The following CCDC148 variants were observed in gnomAD, a reference collection of about 807,000 sequenced individuals.
CCDC148 encodes the protein coiled-coil domain-containing protein 148.
CCDC148 carries 89 observed loss-of-function variants against 85.7 expected under a neutral mutation model. The observed-to-expected ratio is 1.04, with a 90% confidence interval of 0.87 to 1.24. The LOEUF (loss-of-function observed/expected upper bound fraction) is 1.24. Among genes scored for constraint, CCDC148 ranks in the 50% most tolerant of loss-of-function variants. CCDC148 has a pLI of 0.00. For missense variants in CCDC148, 692 were observed against 671.7 expected (o/e 1.03, Z -0.33); for synonymous variants, 230 against 213.9 (o/e 1.08, Z -0.66).
chr2:158,344,627 A>G (rs567769035), intron 3 of CCDC148, among the ~76,000 whole-genome samples: 1 of 152,212 alleles, frequency 6.6e-6, no homozygotes, highest in East Asian at 1.9e-4. Flanking sequence ...TTCAAAGATT[A>G]CAATTAAGAT....
At chr2:158,225,529 T>C (rs1263988156) in intron 10 of CCDC148, among the ~76,000 whole-genome samples, 1 of 152,174 alleles carries the variant, frequency 6.6e-6, no homozygotes, top group South Asian at 2.1e-4. Context: ...ACCACACTTA[T>C]TTCAAAATTG....
At chr2:158,277,954 T>C (rs1690039281) in intron 9 of CCDC148, among the ~76,000 whole-genome samples, 1 of 152,126 alleles carries the variant, frequency 6.6e-6, no homozygotes, top group Non-Finnish European at 1.5e-5. Flanking sequence ...TCACAAATGA[T>C]CTAGATAAGA....
In CCDC148 at chr2:158,179,828, A is replaced by G. The variant is rs555677912; in HGVS notation, c.1371-832T>C. Among the ~76,000 whole-genome samples, 79 of 152,306 alleles carry G rather than the reference A, an allele frequency of 5.2e-4. 1 individual carries two copies. The highest frequency in any genetic ancestry group is 1.8e-3 in the African/African-American group (76 of 41,570). ...GTATGTGTGTTAAGCAACTTTTAAA[A>G]TTGCACTTTGACATCTGTAGATGGC... On this transcript the variant is annotated intron_variant, in intron 11 of 13. Coordinates refer to ENST00000283233, the MANE Select transcript of CCDC148 (RefSeq NM_138803.4).
intron 11 of CCDC148, among the ~76,000 whole-genome samples, chr2:158,208,730 A>C (rs1686390201): frequency 6.6e-6 from 1 of 152,114 alleles, no homozygotes; most frequent in East Asian, 1.9e-4. Context: ...ATTATTCCCA[A>C]CAGTTTGCTA....
chr2:158,191,712 G>A (rs768995048), intron 11 of CCDC148, among the ~76,000 whole-genome samples: 68 of 151,950 alleles, frequency 4.5e-4, no homozygotes, highest in Admixed American at 4.6e-4. Context: ...CTTCTTTGGT[G>A]ACTCTGCCAA....
chr2:158,194,455 C>T (rs1209415217), intron 11 of CCDC148, among the ~76,000 whole-genome samples: 1 of 152,104 alleles, frequency 6.6e-6, no homozygotes, highest in Non-Finnish European at 1.5e-5. Flanking sequence ...CAGCAGGGGC[C>T]CTGGATTAAT....
intron 9 of CCDC148, among the ~76,000 whole-genome samples, chr2:158,284,237 G>A (rs1690503546): frequency 6.6e-6 from 1 of 151,458 alleles, no homozygotes; most frequent in South Asian, 2.1e-4. Context: ...TAACTAACCT[G>A]CACATTGTGC....
At chr2:158,372,877 C>G (rs1468515773) in intron 1 of CCDC148, among the ~76,000 whole-genome samples, 1 of 151,998 alleles carries the variant, frequency 6.6e-6, no homozygotes, top group Non-Finnish European at 1.5e-5. Context: ...CTTGAGCATT[C>G]CCAAACCATT....
chr2:158,337,628 A>C (rs1682455696), intron 7 of CCDC148, among the ~76,000 whole-genome samples: 1 of 152,264 alleles, frequency 6.6e-6, no homozygotes, highest in East Asian at 1.9e-4. Context: ...ATGGGGAAGG[A>C]AAGGCTATCA....
intron 2 of CCDC148, among the ~76,000 whole-genome samples, chr2:158,354,864 A>C (rs1271419470): frequency 6.6e-6 from 1 of 151,592 alleles, no homozygotes; most frequent in Non-Finnish European, 1.5e-5. Context: ...GCAGCACATC[A>C]AAAAGCTTAT....
At chr2:158,345,341 G>A (rs765817041) in intron 2 of CCDC148, 23 bp from the exon 3 acceptor site, 2 of 1,535,080 alleles carry the variant, frequency 1.3e-6, no homozygotes, top group African/African-American at 1.4e-5. Flanking sequence ...GAACAAAAGA[G>A]GAGCAACTTC....
intron 10 of CCDC148, among the ~76,000 whole-genome samples, chr2:158,245,382 A>G (rs1688528316): frequency 6.6e-6 from 1 of 152,182 alleles, no homozygotes; most frequent in Non-Finnish European, 1.5e-5. Flanking sequence ...ATCCCTCCCC[A>G]GAAAGATCTC....
chr2:158,327,744 G>A (rs1692855189), intron 7 of CCDC148, among the ~76,000 whole-genome samples: 1 of 152,006 alleles, frequency 6.6e-6, no homozygotes, highest in Non-Finnish European at 1.5e-5. Flanking sequence ...ATATATTGAT[G>A]GAAAATATCT....
At chr2:158,423,842 T>G (rs1375576554) in intron 1 of CCDC148, among the ~76,000 whole-genome samples, 6 of 147,070 alleles carry the variant, frequency 4.1e-5, no homozygotes, top group East Asian at 2.0e-4. Flanking sequence ...ATATCCAGAA[T>G]CTACAAAGAA....
intron 9 of CCDC148, among the ~76,000 whole-genome samples, chr2:158,280,159 C>A (rs1388518031): frequency 6.6e-6 from 1 of 152,166 alleles, no homozygotes; most frequent in African/African-American, 2.4e-5. Flanking sequence ...GTGGTACCAG[C>A]CACTGCAAAA....
rs74586941 is a variant in CCDC148 at position 158,268,688 on chromosome 2, T to G, written c.1111-17776A>C. Among the ~76,000 whole-genome samples, 1,126 of 152,226 alleles carry G rather than the reference T, an allele frequency of 7.4e-3. 19 individuals are homozygous for G. The highest frequency in any genetic ancestry group is 0.026 in the African/African-American group (1,074 of 41,542). On this transcript the variant is annotated intron_variant, in intron 9 of 13. Coordinates refer to ENST00000283233, the MANE Select transcript of CCDC148 (RefSeq NM_138803.4). The stretch of plus-strand genomic sequence containing the variant: ...TGTATATTAGATCCCCTGAACTTAT[T>G]TATCTTATAAATGAAAGTATGTACC...
chr2:158,196,818 T>G (rs1232942654), intron 11 of CCDC148, among the ~76,000 whole-genome samples: 4 of 150,262 alleles, frequency 2.7e-5, no homozygotes, highest in Non-Finnish European at 5.9e-5. Context: ...TGTGTTTATA[T>G]CTGTGTGTTT....
At chr2:158,303,715 C>T (rs1307562772) in intron 9 of CCDC148, among the ~76,000 whole-genome samples, 3 of 152,166 alleles carry the variant, frequency 2.0e-5, no homozygotes, top group Non-Finnish European at 2.9e-5. Flanking sequence ...CCTGCATTTA[C>T]ACTTCTCAGG....
In CCDC148 at chr2:158,307,105, GAA is replaced by G. The variant is rs201915127; in HGVS notation, c.1110+2326_1110+2327del. On this transcript the variant is annotated intron_variant, in intron 9 of 13. Coordinates refer to ENST00000283233, the MANE Select transcript of CCDC148 (RefSeq NM_138803.4). ...AAAAAAAGTACTTCATTAAAATTAA[GAA>G]GTTTTGTTCATTTAAAGATGCCATT... Among the ~76,000 whole-genome samples the G allele has an allele frequency of 9.9e-3, 1,506 of 151,522 alleles. 19 individuals are homozygous for G. Among genetic ancestry groups the G allele is most frequent in the African/African-American group, 0.033 (1,385 of 41,376 alleles).
Sources: gnomAD v4.1 joint callset for allele counts (sites outside exome capture counted in the v4.1 genomes callset) on GRCh38, gnomAD v4.1.1 for gene constraint, MANE v1.5 for transcripts, NCBI Gene and HGNC (gene_info 2026-07-23, HGNC 2026-07-21) for gene names.